MAGI2: variants seen among roughly 807,000 people sequenced by gnomAD.
MAGI2 encodes the protein membrane associated guanylate kinase, WW and PDZ domain containing 2.
A neutral mutation model predicts 133.3 loss-of-function variants in MAGI2; 35 were observed. That is an observed-to-expected ratio of 0.26 (90% confidence interval 0.20 to 0.35). MAGI2 has a LOEUF of 0.35. Ranked by LOEUF, MAGI2 falls within the 10% of genes least tolerant of loss-of-function variation. The pLI is 1.00. For missense variants in MAGI2, 1,636 were observed against 1,863.4 expected (o/e 0.88, Z 2.25); for synonymous variants, 729 against 710.6 (o/e 1.03, Z -0.41).
intron 7 of MAGI2, among the ~76,000 whole-genome samples, chr7:78,354,519 T>C (rs1791864667): frequency 6.6e-6 from 1 of 151,954 alleles, no homozygotes; most frequent in Non-Finnish European, 1.5e-5. Context: ...TGAGGGGAAA[T>C]TGACAAGACT....
chr7:78,139,621 A>G (rs1015725859), intron 16 of MAGI2, among the ~76,000 whole-genome samples: 1 of 152,230 alleles, frequency 6.6e-6, no homozygotes, highest in African/African-American at 2.4e-5. Context: ...CCTTGCAGAC[A>G]TCATCTGTCA....
At chr7:78,415,670 A>G (rs1798235182) in intron 6 of MAGI2, among the ~76,000 whole-genome samples, 2 of 152,104 alleles carry the variant, frequency 1.3e-5, no homozygotes, top group Admixed American at 1.3e-4. Flanking sequence ...GGCACCATTC[A>G]GAAGACATCC....
At chr7:78,635,308 G>A (rs759273445) in intron 2 of MAGI2, among the ~76,000 whole-genome samples, 2 of 152,170 alleles carry the variant, frequency 1.3e-5, no homozygotes, top group African/African-American at 2.4e-5. Context: ...GAAGAAAAGG[G>A]CATTTGTGGT....
At chr7:79,177,050 A>G (rs1183684489) in intron 1 of MAGI2, 1 of 151,956 alleles carries the variant, frequency 6.6e-6, no homozygotes, top group East Asian at 1.9e-4. Context: ...CTTTGAACTG[A>G]AGCTCTTTGC....
chr7:78,973,826 C>T (rs1331839458), intron 2 of MAGI2, among the ~76,000 whole-genome samples: 2 of 151,744 alleles, frequency 1.3e-5, no homozygotes, highest in South Asian at 2.1e-4. Flanking sequence ...AATTTTACCC[C>T]GTTACAATAG....
intron 1 of MAGI2, among the ~76,000 whole-genome samples, chr7:79,045,411 T>A (rs918603571): frequency 6.6e-6 from 1 of 152,238 alleles, no homozygotes; most frequent in Admixed American, 6.5e-5. Context: ...ACTTATAATT[T>A]GTTACTTCAT....
intron 16 of MAGI2, among the ~76,000 whole-genome samples, chr7:78,135,528 A>G (rs1392791026): frequency 2.0e-5 from 3 of 152,328 alleles, no homozygotes; most frequent in African/African-American, 2.4e-5. Context: ...TAGAATGTCC[A>G]GGCAGGAGGC....
rs183943565 is a variant in MAGI2 at position 78,856,483 on chromosome 7, C to T, written c.418+150607G>A. 6.6e-4 allele frequency among the ~76,000 whole-genome samples: 101 copies of T among 152,174 alleles called. No individual in the cohort carries two copies. The East Asian group carries it at 0.016, about 25-fold the overall frequency. The stretch of plus-strand genomic sequence containing the variant: ...CTTTCTACATATAGCTAGCCAGTTT[C>T]CCCAGCACCATTTATTAAATAGGGA... On this transcript the variant is annotated intron_variant, in intron 2 of 21. Coordinates refer to ENST00000354212, the MANE Select transcript of MAGI2 (RefSeq NM_012301.4).
At chr7:78,802,571 C>T (rs373370961) in intron 2 of MAGI2, among the ~76,000 whole-genome samples, 3 of 151,980 alleles carry the variant, frequency 2.0e-5, no homozygotes, top group South Asian at 2.1e-4. Context: ...GAGTGGAGCA[C>T]GGAGGACTTT....
chr7:78,790,489 A>G (rs1827163477), intron 2 of MAGI2, among the ~76,000 whole-genome samples: 1 of 152,012 alleles, frequency 6.6e-6, no homozygotes, highest in Admixed American at 6.6e-5. Context: ...GCTGGAGTGC[A>G]GTGTTGGGAT....
intron 1 of MAGI2, among the ~76,000 whole-genome samples, chr7:79,136,992 C>CT (rs981209083): frequency 8.4e-4 from 126 of 149,156 alleles, no homozygotes; most frequent in East Asian, 3.5e-3. Flanking sequence ...AATACAGATT[C>CT]TTTTTTTTTT....
chr7:78,160,303 A>G (rs778904556), intron 15 of MAGI2, 30 bp from the exon 16 acceptor site: 68 of 1,543,254 alleles, frequency 4.4e-5, no homozygotes, highest in Non-Finnish European at 5.5e-5. Context: ...CAGGTAATCA[A>G]TTACCTTACA....
At chr7:78,363,425 G>C (rs926409124) in intron 7 of MAGI2, among the ~76,000 whole-genome samples, 2 of 151,898 alleles carry the variant, frequency 1.3e-5, no homozygotes, top group African/African-American at 4.8e-5. Flanking sequence ...CCCGGGAGGC[G>C]GAGCCTGTGG....
intron 2 of MAGI2, among the ~76,000 whole-genome samples, chr7:78,650,574 G>A (rs983464147): frequency 6.6e-6 from 1 of 152,178 alleles, no homozygotes; most frequent in African/African-American, 2.4e-5. Flanking sequence ...AGAAGAGAGA[G>A]CCTTTAATGA....
intron 21 of MAGI2, among the ~76,000 whole-genome samples, chr7:78,047,186 T>C (rs1359290031): frequency 6.6e-6 from 1 of 152,176 alleles, no homozygotes; most frequent in African/African-American, 2.4e-5. Flanking sequence ...AAACAGAGAC[T>C]GGGGGAGGAT....
At position 78,139,539 on chromosome 7, in the gene MAGI2, A is replaced by C. The variant is rs542342188; in HGVS notation, c.2846-4333T>G. On this transcript the variant is annotated intron_variant, in intron 16 of 21. Coordinates refer to ENST00000354212, the MANE Select transcript of MAGI2 (RefSeq NM_012301.4). ...ACCTTGGTTTCTATTATTGGGATGA[A>C]TGGTACTCATTAATTCCCTGAGAAC... Among the ~76,000 whole-genome samples the C allele has an allele frequency of 5.3e-4, 80 of 152,278 alleles. 2 individuals carry two copies. The highest frequency in any genetic ancestry group is 6.8e-3 in the Middle Eastern group (2 of 294).
At chr7:78,657,673 G>A (rs1812453360) in intron 2 of MAGI2, among the ~76,000 whole-genome samples, 1 of 152,178 alleles carries the variant, frequency 6.6e-6, no homozygotes, top group South Asian at 2.1e-4. Context: ...GGCATAAATA[G>A]GCAGAGCATA....
At chr7:78,911,825 T>C (rs979941095) in intron 2 of MAGI2, among the ~76,000 whole-genome samples, 3 of 152,040 alleles carry the variant, frequency 2.0e-5, no homozygotes, top group Non-Finnish European at 4.4e-5. Flanking sequence ...TACCCAATAG[T>C]TATCTTTTCT....
At chr7:78,171,413 C>T (rs1387127737) in intron 14 of MAGI2, among the ~76,000 whole-genome samples, 1 of 152,122 alleles carries the variant, frequency 6.6e-6, no homozygotes, top group Non-Finnish European at 1.5e-5. Flanking sequence ...AGTTCTGGAC[C>T]CACCCCATGA....
Sources: allele counts gnomAD v4.1 joint callset (sites outside exome capture counted in the v4.1 genomes callset), GRCh38; gene constraint gnomAD v4.1.1; transcripts MANE v1.5; gene names NCBI Gene and HGNC (gene_info 2026-07-23, HGNC 2026-07-21).